Variants in RSRC2 observed in about 807,000 individuals in gnomAD.
RSRC2 encodes arginine/serine-rich coiled-coil protein 2.
A neutral mutation model predicts 61.3 loss-of-function variants in RSRC2; 5 were observed. The observed-to-expected ratio is 0.08, with a 90% CI of 0.04 to 0.17. The LOEUF (loss-of-function observed/expected upper bound fraction) is 0.17. Among genes scored for constraint, RSRC2 ranks in the 10% least tolerant of loss-of-function variants. The probability of loss-of-function intolerance (pLI) is 1.00; values close to 1 mark genes in which losing one functional copy is unlikely to be tolerated. For synonymous variants in RSRC2, 202 were observed against 166.5 expected, an observed-to-expected ratio of 1.21 and a Z score of -1.64; for missense variants, 381 against 518.8, an observed-to-expected ratio of 0.73 and a Z score of 2.58.
chr12:122,512,990 C>T (rs1249699468), intron 6 of RSRC2, among the ~76,000 whole-genome samples: 1 of 151,646 alleles, frequency 6.6e-6, no homozygotes, highest in Non-Finnish European at 1.5e-5. Flanking sequence ...GCCAGCAGTT[C>T]GAGACCAGCT....
chr12:122,518,769 G>A (rs1959109090), intron 4 of RSRC2, 70 bp downstream of exon 4: 2 of 1,209,508 alleles, frequency 1.7e-6, no homozygotes, highest in East Asian at 2.3e-5. Flanking sequence ...TTTTTTGGGT[G>A]TTGCTGGGTC....
At position 122,521,425 on chromosome 12, in the gene RSRC2, T is replaced by C; in HGVS notation, c.167A>G (p.Asn56Ser). ...RSRERKRKSD[N>S]EGRKHRSRSR... Reference sequence around the variant, plus strand: ...CCGGCTCCTGTGTTTTCTTCCTTCATTATCTGTGAATACACAAAAAAAATA... The same window carrying C: ...CCGGCTCCTGTGTTTTCTTCCTTCACTATCTGTGAATACACAAAAAAAATA... The change falls in exon 3 of 10, where the codon AAT becomes AGT. Residue 56 changes from asparagine to serine, a missense_variant. Asn to Ser is a conservative substitution (Grantham distance 46). Coordinates refer to ENST00000331738, the MANE Select transcript of RSRC2 (RefSeq NM_023012.6). 1 of 1,612,486 alleles carries C rather than the reference T, an allele frequency of 6.2e-7. No individual in the cohort carries two copies. The highest frequency in any genetic ancestry group is 8.5e-7 in the Non-Finnish European group (1 of 1,178,816).
chr12:122,511,041 C>A, intron 7 of RSRC2, 68 bp downstream of exon 7: 2 of 1,149,174 alleles, frequency 1.7e-6, no homozygotes, highest in South Asian at 2.7e-5. Flanking sequence ...AGAGCAAATC[C>A]CTGTGAAAAA....
At chr12:122,518,753 TATG>T in intron 4 of RSRC2, 83 bp downstream of exon 4, 1 of 1,049,836 alleles carries the variant, frequency 9.5e-7, no homozygotes, top group Non-Finnish European at 1.4e-6. Context: ...ACTCCCTAAT[TATG>T]ATTTTTTTGG....
At chr12:122,525,230 G>A (rs2137569832) in intron 1 of RSRC2, among the ~76,000 whole-genome samples, 1 of 152,144 alleles carries the variant, frequency 6.6e-6, no homozygotes, top group Non-Finnish European at 1.5e-5. Context: ...AAAAAAATTA[G>A]CCGGGTGTGG....
intron 9 of RSRC2, 192 bp downstream of exon 9, chr12:122,506,642 G>A: frequency 1.8e-6 from 1 of 543,154 alleles, no homozygotes; most frequent in Non-Finnish European, 3.3e-6. Flanking sequence ...AAGTGTGTGT[G>A]TAGGGAGGAC....
In RSRC2 at chr12:122,506,720, A is replaced by G; in HGVS notation, c.1125+114T>C. ...GTTATTTCACAAAAGGTGGTGGGAA[A>G]GAACTCAAAAACGCTGACACCTGAG... On this transcript the variant is annotated intron_variant, in intron 9 of 9. Transcript: ENST00000331738. The G allele has an allele frequency of 2.2e-5, 15 of 686,448 alleles. 1 individual carries two copies. In the South Asian group the frequency reaches 2.7e-4, roughly 13 times the overall value. 42.5% of individuals were successfully genotyped at this position (686,448 alleles called of 1,614,324 possible).
At chr12:122,506,079 T>C (rs897359933) in intron 9 of RSRC2, among the ~76,000 whole-genome samples, 1 of 151,978 alleles carries the variant, frequency 6.6e-6, no homozygotes, top group Non-Finnish European at 1.5e-5. Context: ...TGAACTAGGC[T>C]GACACTATTA....
At chr12:122,510,801 C>T (rs2137444680) in intron 7 of RSRC2, among the ~76,000 whole-genome samples, 2 of 152,260 alleles carry the variant, frequency 1.3e-5, no homozygotes, top group Admixed American at 1.3e-4. Flanking sequence ...AATCCCAGCA[C>T]TTTGGGAGGC....
chr12:122,517,498 A>T, intron 4 of RSRC2, 68 bp from the exon 5 acceptor site: 1 of 1,588,498 alleles, frequency 6.3e-7, no homozygotes, highest in Non-Finnish European at 8.6e-7. Context: ...CACATCATGA[A>T]TTAGTTACTT....
At chr12:122,518,382 CAGG>C (rs1389430227) in intron 4 of RSRC2, among the ~76,000 whole-genome samples, 1 of 152,086 alleles carries the variant, frequency 6.6e-6, no homozygotes, top group East Asian at 1.9e-4. Context: ...CACCTGAGGT[CAGG>C]AGTTCGAGAC....
At chr12:122,506,791 C>T in intron 9 of RSRC2, 43 bp downstream of exon 9, 2 of 1,138,916 alleles carry the variant, frequency 1.8e-6, no homozygotes, top group South Asian at 2.5e-5. Context: ...TGCAGGAGGG[C>T]TAATAGCTAA....
chr12:122,517,526 ACAAG>A (rs1309710160), intron 4 of RSRC2, 96 bp from the exon 5 acceptor site: 10 of 1,428,966 alleles, frequency 7.0e-6, no homozygotes, highest in Admixed American at 3.9e-5. Context: ...CGCAATAAAG[ACAAG>A]CAAGTAACTG....
At chr12:122,514,735 G>C (rs1958781658) in intron 6 of RSRC2, 1 of 1,158,608 alleles carries the variant, frequency 8.6e-7, no homozygotes, top group Non-Finnish European at 1.1e-6. Flanking sequence ...TTGTCTATTT[G>C]AGGGAGAAAA....
intron 1 of RSRC2, among the ~76,000 whole-genome samples, chr12:122,524,347 C>T (rs531708217): frequency 6.6e-6 from 1 of 152,128 alleles, no homozygotes; most frequent in Non-Finnish European, 1.5e-5. Flanking sequence ...GAAGTGATCT[C>T]GAAAATTTTA....
At chr12:122,512,061 C>T (rs1958559636) in intron 6 of RSRC2, among the ~76,000 whole-genome samples, 1 of 152,202 alleles carries the variant, frequency 6.6e-6, no homozygotes, top group Non-Finnish European at 1.5e-5. Context: ...CCGCCTTGGC[C>T]TCCCGAAGTG....
At chr12:122,512,821 A>G (rs1051686880) in intron 6 of RSRC2, among the ~76,000 whole-genome samples, 1 of 152,172 alleles carries the variant, frequency 6.6e-6, no homozygotes, top group Admixed American at 6.6e-5. Context: ...TTTATGAAGC[A>G]CATATGCATG....
intron 3 of RSRC2, 171 bp from the exon 4 acceptor site, chr12:122,519,200 AT>A (rs142468959): frequency 3.4e-4 from 187 of 556,714 alleles, no homozygotes; most frequent in East Asian, 7.0e-4. Context: ...TGTAATTACT[AT>A]TTTTTTTACT....
At chr12:122,521,503 T>C (rs1373595181) in intron 2 of RSRC2, 75 bp from the exon 3 acceptor site, 11 of 1,272,846 alleles carry the variant, frequency 8.6e-6, no homozygotes, top group Non-Finnish European at 1.3e-5. Flanking sequence ...CTCTTAATGC[T>C]GGAGAAAAAT....
Sources: gnomAD v4.1 joint callset for allele counts (sites outside exome capture counted in the v4.1 genomes callset) on GRCh38, gnomAD v4.1.1 for gene constraint, MANE v1.5 for transcripts, NCBI Gene and HGNC (gene_info 2026-07-23, HGNC 2026-07-21) for gene names.